NBN: variants seen among roughly 807,000 people sequenced by gnomAD.
The protein encoded by NBN is nibrin.
In NBN, 88 loss-of-function variants were observed where a neutral mutation model predicts 90.8. That is an observed-to-expected ratio of 0.97 (90% CI 0.82 to 1.16). The LOEUF (loss-of-function observed/expected upper bound fraction) is 1.16, where lower values mean the gene tolerates loss of function less well. Ranked by LOEUF, NBN falls within the 50% of genes most tolerant of loss-of-function variation. NBN has a pLI of 0.00. For synonymous variants in NBN, 328 were observed against 295.1 expected (o/e 1.11, Z -1.14); for missense variants, 894 against 869.6 (o/e 1.03, Z -0.35).
intron 12 of NBN, 28 bp downstream of exon 12, chr8:89,947,796 G>A (rs1301338805): frequency 2.9e-6 from 4 of 1,368,198 alleles, no homozygotes; most frequent in Non-Finnish European, 4.1e-6. Flanking sequence ...AGCCAAATCT[G>A]TATAAAAATT....
At chr8:89,958,962 G>C in intron 8 of NBN, 108 bp from the exon 9 acceptor site, 1 of 1,399,234 alleles carries the variant, frequency 7.1e-7, no homozygotes, top group African/African-American at 1.4e-5. Context: ...ATTAACTAGG[G>C]AATACTGCAC....
At chr8:89,944,455 A>G (rs566394740) in intron 13 of NBN, among the ~76,000 whole-genome samples, 126 of 152,320 alleles carry the variant, frequency 8.3e-4, no homozygotes, top group African/African-American at 3.0e-3. Flanking sequence ...TCCTAAGGAC[A>G]ATCCGCCACA....
intron 1 of NBN, 119 bp downstream of exon 1, chr8:89,984,406 G>T: frequency 1.0e-6 from 1 of 958,684 alleles, no homozygotes; most frequent in Non-Finnish European, 1.6e-6. Context: ...CCGCTTCTGC[G>T]ACCGCTTCCG....
In NBN at chr8:89,971,279, G is replaced by C. The variant is rs730881844; in HGVS notation, c.596C>G (p.Pro199Arg). The C allele has an allele frequency of 1.2e-5, 20 of 1,611,842 alleles. No individual in the cohort carries two copies. The highest frequency in any genetic ancestry group is 1.6e-5 in the Non-Finnish European group (19 of 1,178,840). The change falls in exon 6 of 16, where the codon CCT becomes CGT. Residue 199 changes from proline (P) to arginine (R), a missense_variant. Pro to Arg is a moderately radical substitution (Grantham distance 103). Coordinates refer to ENST00000265433, the MANE Select transcript of NBN (RefSeq NM_002485.5). ...QPPQIESFYPPLDEPSIGSKN... is the reference protein window; with the variant it reads ...QPPQIESFYPRLDEPSIGSKN... ...ACTTCCAATAGATGGTTCATCAAGAGGTGGGTAAAAACTGTAAAAATAATT... is the reference window on the plus strand; with the variant it reads ...ACTTCCAATAGATGGTTCATCAAGACGTGGGTAAAAACTGTAAAAATAATT...
At chr8:89,947,763 T>C (rs1228597330) in intron 12 of NBN, 61 bp downstream of exon 12, 2 of 917,830 alleles carry the variant, frequency 2.2e-6, no homozygotes, top group Non-Finnish European at 1.8e-6. Context: ...ATCACAAAAA[T>C]TGATGAGATG....
At chr8:89,950,866 T>C (rs1810414268) in intron 11 of NBN, among the ~76,000 whole-genome samples, 1 of 152,154 alleles carries the variant, frequency 6.6e-6, no homozygotes, top group South Asian at 2.1e-4. Context: ...ACATAAGCCC[T>C]GGGAGAATGT....
chr8:89,951,142 C>G (rs183370714), intron 11 of NBN, among the ~76,000 whole-genome samples: 1 of 152,024 alleles, frequency 6.6e-6, no homozygotes, highest in Admixed American at 6.5e-5. Flanking sequence ...GAAACCCCAT[C>G]TCTACTATAA....
At chr8:89,982,929 G>GT (rs1563585175) in intron 1 of NBN, 74 bp from the exon 2 acceptor site, 2 of 1,428,758 alleles carry the variant, frequency 1.4e-6, no homozygotes, top group East Asian at 2.3e-5. Flanking sequence ...ACACATACAT[G>GT]TAAGTGTATA....
At chr8:89,942,201 C>G (rs1204575784) in intron 14 of NBN, among the ~76,000 whole-genome samples, 2 of 152,102 alleles carry the variant, frequency 1.3e-5, no homozygotes, top group Admixed American at 1.3e-4. Flanking sequence ...CATTCTGGCA[C>G]TTAGTGAAGG....
intron 9 of NBN, among the ~76,000 whole-genome samples, chr8:89,957,900 T>A (rs1810803265): frequency 6.6e-6 from 1 of 152,182 alleles, no homozygotes; most frequent in Non-Finnish European, 1.5e-5. Flanking sequence ...CAAGCATATT[T>A]ATTATGTACT....
intron 8 of NBN, among the ~76,000 whole-genome samples, chr8:89,960,019 C>T (rs1414495758): frequency 1.3e-5 from 2 of 152,072 alleles, no homozygotes; most frequent in African/African-American, 4.8e-5. Flanking sequence ...AGAATAAGGA[C>T]TAAGTCTTGT....
intron 4 of NBN, among the ~76,000 whole-genome samples, 182 bp from the exon 5 acceptor site, chr8:89,978,505 G>A (rs1390318044): frequency 6.6e-6 from 1 of 152,094 alleles, no homozygotes; most frequent in African/African-American, 2.4e-5. Context: ...TTTGGTCACT[G>A]CATTATTTTA....
At chr8:89,974,783 C>T (rs1811677702) in intron 5 of NBN, among the ~76,000 whole-genome samples, 1 of 152,188 alleles carries the variant, frequency 6.6e-6, no homozygotes, top group African/African-American at 2.4e-5. Flanking sequence ...TTTCTCACTG[C>T]AAACATACCC....
At chr8:89,984,375 G>T in intron 1 of NBN, 150 bp downstream of exon 1, 3 of 743,676 alleles carry the variant, frequency 4.0e-6, no homozygotes, top group Middle Eastern at 3.3e-4. Context: ...AAGAATATGC[G>T]CTTGCCATAC....
At chr8:89,947,709 AG>A in intron 12 of NBN, 114 bp downstream of exon 12, 1 of 646,130 alleles carries the variant, frequency 1.5e-6, no homozygotes, top group Non-Finnish European at 2.9e-6. Flanking sequence ...ACAATCATGA[AG>A]TAAGCCATAA....
At chr8:89,957,946 A>G (rs1283337281) in intron 9 of NBN, among the ~76,000 whole-genome samples, 1 of 152,176 alleles carries the variant, frequency 6.6e-6, no homozygotes, top group Non-Finnish European at 1.5e-5. Flanking sequence ...ATATATAATG[A>G]AAAAATTATA....
chr8:89,936,925 G>T, intron 15 of NBN, 101 bp downstream of exon 15: 1 of 873,564 alleles, frequency 1.1e-6, no homozygotes, highest in Non-Finnish European at 1.9e-6. Context: ...GGGACTAGGT[G>T]TCTATGAGGA....
At chr8:89,970,740 G>A (rs1201463791) in intron 6 of NBN, among the ~76,000 whole-genome samples, 183 bp from the exon 7 acceptor site, 3 of 152,128 alleles carry the variant, frequency 2.0e-5, no homozygotes, top group Non-Finnish European at 4.4e-5. Flanking sequence ...CCCTGGAACT[G>A]TTACACTCTC....
chr8:89,981,390 A>G lies in NBN; in HGVS notation c.305T>C (p.Phe102Ser). Residue 102 changes from phenylalanine (F) to serine (S), a missense_variant, in exon 3 of 16, where the codon TTT (phenylalanine) becomes TCT (serine). Transcript: ENST00000265433. ...AATGTCTTACCTGAATTTACTTCCA[A>G]ACACTCCAAAAGTAATACCATCCCC... Reference protein sequence around the residue: ...KSGDGITFGVFGSKFRIEYEP... With the variant: ...KSGDGITFGVSGSKFRIEYEP... The G allele has an allele frequency of 6.2e-7, 1 of 1,614,060 alleles. No individual in the cohort carries two copies. The highest frequency in any genetic ancestry group is 8.5e-7 in the Non-Finnish European group (1 of 1,179,992).
Sources: allele counts gnomAD v4.1 joint callset (sites outside exome capture counted in the v4.1 genomes callset), GRCh38; gene constraint gnomAD v4.1.1; transcripts MANE v1.5; gene names NCBI Gene and HGNC (gene_info 2026-07-23, HGNC 2026-07-21).